Variants in PTCHD1 observed in about 807,000 individuals in gnomAD.
PTCHD1 encodes the protein patched domain-containing protein 1.
PTCHD1 carries 3 observed loss-of-function variants against 34.6 expected under a neutral mutation model. The ratio of observed to expected loss-of-function variants is 0.09; its 90% CI spans 0.04 to 0.22. PTCHD1 has a LOEUF of 0.22. Among genes scored for constraint, PTCHD1 ranks in the 10% least tolerant of loss-of-function variants. The pLI, the probability that PTCHD1 is intolerant of heterozygous loss-of-function variation, is 1.00. For missense variants in PTCHD1, 504 were observed against 685.5 expected (o/e 0.74, Z 2.96); for synonymous variants, 305 against 283.1 (o/e 1.08, Z -0.77).
At chrX:23,374,153 C>T (rs770590559) in intron 1 of PTCHD1, among the ~76,000 whole-genome samples, 1 of 109,267 alleles carries the variant, frequency 9.2e-6, no homozygotes, top group Non-Finnish European at 1.9e-5. Flanking sequence ...ATACGAACTC[C>T]GAGTCTTCCC....
At chrX:23,355,108 G>GGGGCAGCA (rs1266552058) in intron 1 of PTCHD1, among the ~76,000 whole-genome samples, 1 of 110,785 alleles carries the variant, frequency 9.0e-6, no homozygotes, top group Non-Finnish European at 1.9e-5. Context: ...CCCGCCTACT[G>GGGGCAGCA]GGGCAGCAGG....
At chrX:23,350,977 T>A in intron 1 of PTCHD1, 65 of 211,022 alleles carry the variant, frequency 3.1e-4, no homozygotes, top group Middle Eastern at 1.7e-3. Context: ...TGGATTCCCA[T>A]GAAAATGGAA....
chrX:23,358,083 A>G (rs1921858916), intron 1 of PTCHD1, among the ~76,000 whole-genome samples: 1 of 111,815 alleles, frequency 8.9e-6, no homozygotes, highest in Admixed American at 9.5e-5. Flanking sequence ...GTTGGTTCCA[A>G]GTCTTTGCTG....
At chrX:23,364,330 T>C (rs887614951) in intron 1 of PTCHD1, among the ~76,000 whole-genome samples, 7 of 107,847 alleles carry the variant, frequency 6.5e-5, no homozygotes, top group South Asian at 4.1e-4. Context: ...CATTTACACA[T>C]TGTACTGTAT....
At chrX:23,359,493 G>A (rs1254069394) in intron 1 of PTCHD1, among the ~76,000 whole-genome samples, 1 of 112,158 alleles carries the variant, frequency 8.9e-6, no homozygotes, top group Non-Finnish European at 1.9e-5. Context: ...TTTGTACATT[G>A]ATTTTGTATC....
intron 1 of PTCHD1, among the ~76,000 whole-genome samples, chrX:23,353,278 A>C (rs1921694775): frequency 8.9e-6 from 1 of 112,600 alleles, no homozygotes; most frequent in Admixed American, 9.4e-5. Flanking sequence ...ATGAGTCTTA[A>C]AGGTTTTTTT....
chrX:23,352,845 C>T (rs774921041), intron 1 of PTCHD1, among the ~76,000 whole-genome samples: 2 of 112,126 alleles, frequency 1.8e-5, no homozygotes, highest in South Asian at 7.6e-4. Flanking sequence ...ACTGCAGACT[C>T]TCAGGCTTCA....
At chrX:23,388,593 G>C (rs908970724) in intron 2 of PTCHD1, among the ~76,000 whole-genome samples, 3 of 111,497 alleles carry the variant, frequency 2.7e-5, no homozygotes, top group African/African-American at 9.8e-5. Context: ...CACTTTGGGA[G>C]GCCGAGGCAG....
chrX:23,335,099 C>T lies in PTCHD1; in HGVS notation c.224C>T (p.Pro75Leu), dbSNP rs1198691680. The T allele has an allele frequency of 8.3e-7, 1 of 1,209,729 alleles. No homozygotes were observed. Among genetic ancestry groups the T allele is most frequent in the African/African-American group, 1.7e-5 (1 of 57,229 alleles). The change falls in exon 1 of 3, where the codon CCG (proline) becomes CTG (leucine). Residue 75 changes from proline to leucine, a missense_variant. By Grantham distance (98) the Pro-to-Leu change is moderately conservative (BLOSUM62 -3). Transcript: ENST00000379361. ...CGCAACCTCGTTAACAGCCTCTTCC[C>T]GGTCAACCGCTCCAAGCACCGTCTC... ...IERNLVNSLF[P>L]VNRSKHRLYS...
chrX:23,363,691 C>T (rs1922056422), intron 1 of PTCHD1, among the ~76,000 whole-genome samples: 1 of 112,740 alleles, frequency 8.9e-6, no homozygotes. Flanking sequence ...TGAGATGAAC[C>T]AGCTACCTCA....
At chrX:23,348,269 G>GAAA (rs150677783) in intron 1 of PTCHD1, among the ~76,000 whole-genome samples, 32 of 83,259 alleles carry the variant, frequency 3.8e-4, no homozygotes, top group African/African-American at 1.1e-3. Context: ...AGTTAAAAGA[G>GAAA]AAAAAAAAAA....
intron 2 of PTCHD1, among the ~76,000 whole-genome samples, chrX:23,390,464 T>C (rs993068274): frequency 1.8e-5 from 2 of 111,023 alleles, no homozygotes; most frequent in Non-Finnish European, 3.8e-5. Context: ...GAAAATATAC[T>C]AGAAACAGAT....
chrX:23,334,839 GCGCCTCGCCCTCCTCCCGCGCC>G (rs1314394801), exon 1 of PTCHD1: 1 of 980,999 alleles, frequency 1.0e-6, no homozygotes, highest in African/African-American at 2.0e-5. Flanking sequence ...CGCCGAGCGT[GCGCCTCGCCCTCCTCCCGCGCC>G]CGCTCTGCTC....
At chrX:23,392,055 CTTT>C (rs1404956181) in intron 2 of PTCHD1, among the ~76,000 whole-genome samples, 9 of 66,058 alleles carry the variant, frequency 1.4e-4, no homozygotes, top group African/African-American at 5.7e-4. Flanking sequence ...TTTTTTCTTT[CTTT>C]TTTCTTTCTT....
intron 1 of PTCHD1, among the ~76,000 whole-genome samples, chrX:23,343,507 A>C (rs763772803): frequency 8.9e-6 from 1 of 112,276 alleles, no homozygotes; most frequent in South Asian, 3.7e-4. Context: ...TCAAATGTAA[A>C]TAGGAAACAC....
chrX:23,389,243 G>T, intron 2 of PTCHD1, among the ~76,000 whole-genome samples: 1 of 111,782 alleles, frequency 8.9e-6, no homozygotes, highest in South Asian at 3.8e-4. Flanking sequence ...CTTTTGGAAT[G>T]TGTCTCCCCT....
At position 23,402,519 on chromosome X, in the gene PTCHD1, T is replaced by C. The variant is rs1220573624; in HGVS notation, c.*8334T>C. ...TTCTGGATTGTCTATAAGATAAAGATACAGAGCCTGAATCTATGTTTTTCT... is the reference window on the plus strand; with the variant it reads ...TTCTGGATTGTCTATAAGATAAAGACACAGAGCCTGAATCTATGTTTTTCT... On this transcript the variant is annotated 3_prime_UTR_variant, in exon 3 of 3. Transcript: ENST00000379361. 8.9e-6 allele frequency: 1 copy of C among 112,200 alleles called. No individual in the cohort carries two copies. Among genetic ancestry groups the C allele is most frequent in the Non-Finnish European group, 1.9e-5 (1 of 53,248 alleles). 9.2% of individuals were successfully genotyped at this position (112,200 alleles called of 1,213,427 possible).
At chrX:23,345,758 G>GTC (rs377253168) in intron 1 of PTCHD1, among the ~76,000 whole-genome samples, 224 of 111,926 alleles carry the variant, frequency 2.0e-3, no homozygotes, top group African/African-American at 6.9e-3. Context: ...CAAAAATGCA[G>GTC]TCTCTCTCTG....
intron 1 of PTCHD1, among the ~76,000 whole-genome samples, chrX:23,366,239 C>G (rs1323996226): frequency 8.9e-6 from 1 of 112,104 alleles, no homozygotes; most frequent in African/African-American, 3.3e-5. Flanking sequence ...TGGTTACACT[C>G]TTCATCCTTT....
Sources: allele counts gnomAD v4.1 joint callset (sites outside exome capture counted in the v4.1 genomes callset), GRCh38; gene constraint gnomAD v4.1.1; transcripts MANE v1.5; gene names NCBI Gene and HGNC (gene_info 2026-07-23, HGNC 2026-07-21).